Variants in EXOC6B observed in about 807,000 individuals in gnomAD.
The protein encoded by EXOC6B is SEC15 homolog B.
In EXOC6B, 54 loss-of-function variants were observed where a neutral mutation model predicts 113.5. That is an observed-to-expected ratio of 0.48 (90% CI 0.38 to 0.60). The LOEUF is 0.60. Ranked by LOEUF, EXOC6B falls within the 20% of genes least tolerant of loss-of-function variation. The pLI, the probability that EXOC6B is intolerant of heterozygous loss-of-function variation, is 0.00. For missense variants in EXOC6B, 797 were observed against 977.5 expected, an observed-to-expected ratio of 0.82 and a Z score of 2.46; for synonymous variants, 357 against 339.0, an observed-to-expected ratio of 1.05 and a Z score of -0.58.
chr2:72,497,331 T>G (rs1418001799), intron 13 of EXOC6B, among the ~76,000 whole-genome samples: 1 of 151,950 alleles, frequency 6.6e-6, no homozygotes, highest in East Asian at 1.9e-4. Flanking sequence ...GCAAACAGAG[T>G]AACTTCAATA....
At chr2:72,607,360 C>T (rs372808561) in intron 6 of EXOC6B, among the ~76,000 whole-genome samples, 1 of 152,070 alleles carries the variant, frequency 6.6e-6, no homozygotes. Flanking sequence ...CAGATGCCAG[C>T]GCCATGCTTT....
In EXOC6B at chr2:72,474,630, T is replaced by C. The variant is rs1002742771; in HGVS notation, c.1800+5986A>G. On this transcript the variant is annotated intron_variant, in intron 17 of 21. Transcript: ENST00000272427. ...TGGTTATATTTTTGGTATCAATCTC[T>C]TTAGCAAATTTCTTATTCATATCAT... is the stretch of plus-strand genomic sequence containing the variant. Among the ~76,000 whole-genome samples, 14 of 152,234 alleles carry C rather than the reference T, an allele frequency of 9.2e-5. No individual in the cohort carries two copies. In the East Asian group the frequency reaches 1.4e-3, roughly 15 times the overall value.
intron 6 of EXOC6B, among the ~76,000 whole-genome samples, chr2:72,654,579 G>A (rs1307766310): frequency 8.5e-5 from 13 of 152,182 alleles, no homozygotes. Flanking sequence ...ACAACTAAGT[G>A]TCTTTTTTTC....
chr2:72,273,568 T>C (rs568071281), intron 20 of EXOC6B, among the ~76,000 whole-genome samples: 1 of 152,208 alleles, frequency 6.6e-6, no homozygotes, highest in East Asian at 1.9e-4. Context: ...GGAGGAAGCA[T>C]CTGACCTGAA....
At chr2:72,194,569 T>TTCTCTCTCTC (rs141826011) in intron 20 of EXOC6B, among the ~76,000 whole-genome samples, 5,592 of 143,796 alleles carry the variant, frequency 0.039, 357 homozygotes, top group African/African-American at 0.14. Flanking sequence ...GGTGAATGAT[T>TTCTCTCTCTC]TCTCTCTCTC....
intron 20 of EXOC6B, among the ~76,000 whole-genome samples, chr2:72,250,589 C>T (rs1427307937): frequency 6.6e-6 from 1 of 151,628 alleles, no homozygotes; most frequent in African/African-American, 2.4e-5. Flanking sequence ...AGCGATCTTC[C>T]CACCTCAGCC....
chr2:72,558,817 G>C (rs13008041), intron 8 of EXOC6B, among the ~76,000 whole-genome samples: 127,111 of 152,004 alleles, frequency 0.84, 54,036 homozygotes, highest in East Asian at 0.99. Context: ...AAATTGATAA[G>C]AGACTGGGCA....
intron 20 of EXOC6B, among the ~76,000 whole-genome samples, chr2:72,189,225 T>A (rs551742863): frequency 6.6e-6 from 1 of 152,228 alleles, no homozygotes. Context: ...GGAATATTTA[T>A]ACAACCTTTC....
chr2:72,476,124 C>T (rs968312911), intron 17 of EXOC6B, among the ~76,000 whole-genome samples: 1 of 152,194 alleles, frequency 6.6e-6, no homozygotes, highest in Non-Finnish European at 1.5e-5. Context: ...CACAATCTCT[C>T]AGCATCTTCC....
chr2:72,366,350 A>G (rs1690628504), intron 19 of EXOC6B, among the ~76,000 whole-genome samples: 2 of 152,266 alleles, frequency 1.3e-5, no homozygotes, highest in South Asian at 2.1e-4. Context: ...CTGCAAAAGC[A>G]AAGTTCAAAG....
intron 6 of EXOC6B, among the ~76,000 whole-genome samples, chr2:72,583,737 T>TG (rs1705370559): frequency 6.6e-6 from 1 of 151,870 alleles, no homozygotes; most frequent in African/African-American, 2.4e-5. Flanking sequence ...TTTTTGTTTT[T>TG]TTTGATGGAG....
At chr2:72,609,100 T>C (rs954816378) in intron 6 of EXOC6B, among the ~76,000 whole-genome samples, 1 of 152,084 alleles carries the variant, frequency 6.6e-6, no homozygotes, top group Non-Finnish European at 1.5e-5. Context: ...GTAAGCACTA[T>C]GTAGGAAGAT....
At chr2:72,518,483 GGTGT>G (rs138382972) in intron 8 of EXOC6B, among the ~76,000 whole-genome samples, 4,261 of 142,962 alleles carry the variant, frequency 0.03, 89 homozygotes, top group African/African-American at 0.058. Context: ...ATTAAAGTAG[GGTGT>G]GTGTGTGTGT....
chr2:72,733,095 T>A lies in EXOC6B; in HGVS notation c.303A>T (p.Arg101Ser). 1 of 1,593,834 alleles carries A rather than the reference T, an allele frequency of 6.3e-7. No individual in the cohort carries two copies. Among genetic ancestry groups the A allele is most frequent in the African/African-American group, 1.3e-5 (1 of 74,812 alleles). Reference sequence around the variant, plus strand: ...CTTCCTTTCCCTCATGTTGTAGTTTTCTATTAGTATCCGTCACTTGATTCT... The same window carrying A: ...CTTCCTTTCCCTCATGTTGTAGTTTACTATTAGTATCCGTCACTTGATTCT... The part of the protein sequence containing the change: ...KLKNQVTDTN[R>S]KLQHEGKELV... Residue 101 changes from arginine (R) to serine (S), a missense_variant, in exon 3 of 22, where the codon AGA becomes AGT. By Grantham distance (110) the Arg-to-Ser change is moderately radical (BLOSUM62 -1). Coordinates refer to ENST00000272427, the MANE Select transcript of EXOC6B (RefSeq NM_015189.3).
chr2:72,476,603 C>T lies in EXOC6B; in HGVS notation c.1800+4013G>A, dbSNP rs190455240. Among the ~76,000 whole-genome samples, 577 of 152,040 alleles carry T rather than the reference C, an allele frequency of 3.8e-3. 6 individuals carry two copies. The highest frequency in any genetic ancestry group is 0.013 in the African/African-American group (555 of 41,502). ...GTAATTGTGATTGATGTTGTTATTT[C>T]TTCCTTCTTTCCTCTCTTTCCTTCC... On this transcript the variant is annotated intron_variant, in intron 17 of 21. Transcript: ENST00000272427.
intron 20 of EXOC6B, among the ~76,000 whole-genome samples, chr2:72,184,958 T>A (rs1678326530): frequency 6.6e-6 from 1 of 152,194 alleles, no homozygotes; most frequent in Admixed American, 6.5e-5. Flanking sequence ...GAAAAGACAA[T>A]GAGAGCTTTC....
chr2:72,825,936 C>T lies in EXOC6B; in HGVS notation c.-26G>A. 6.2e-7 allele frequency: 1 copy of T among 1,609,220 alleles called. No homozygotes were observed. The highest frequency in any genetic ancestry group is 8.5e-7 in the Non-Finnish European group (1 of 1,178,966). ...AGACTGGGGGCGCCCCGCAGCGCGT[C>T]CCCTCCGTCGGCTCGGCTCACCTTT... On this transcript the variant is annotated 5_prime_UTR_variant, in exon 1 of 22. Coordinates refer to ENST00000272427, the MANE Select transcript of EXOC6B (RefSeq NM_015189.3). The surrounding 1 kb of genome is among the most constrained non-coding windows in gnomAD (Gnocchi z 4.4).
At chr2:72,824,300 G>T (rs1027110097) in intron 1 of EXOC6B, among the ~76,000 whole-genome samples, 1 of 152,094 alleles carries the variant, frequency 6.6e-6, no homozygotes, top group Middle Eastern at 3.2e-3. Context: ...TAGGTGGGAG[G>T]ATCTTAACTC....
chr2:72,583,964 TG>T (rs987746622), intron 6 of EXOC6B, among the ~76,000 whole-genome samples: 9 of 152,088 alleles, frequency 5.9e-5, no homozygotes, highest in African/African-American at 2.2e-4. Context: ...TCAAGTGATC[TG>T]CCTCCCTTGG....
Sources: allele counts gnomAD v4.1 joint callset (sites outside exome capture counted in the v4.1 genomes callset), GRCh38; gene constraint gnomAD v4.1.1; non-coding constraint Gnocchi (gnomAD v3.1); transcripts MANE v1.5; gene names NCBI Gene and HGNC (gene_info 2026-07-23, HGNC 2026-07-21).